MDGA2: variants seen among roughly 807,000 people sequenced by gnomAD.
MDGA2 encodes MAM domain containing glycosylphosphatidylinositol anchor 2, also known as MAM domain-containing glycosylphosphatidylinositol anchor protein 2.
A neutral mutation model predicts 117.8 loss-of-function variants in MDGA2; 40 were observed. The observed-to-expected ratio is 0.34, with a 90% CI of 0.26 to 0.44. MDGA2 has a LOEUF of 0.44. Among genes scored for constraint, MDGA2 ranks in the 20% least tolerant of loss-of-function variants. The probability of loss-of-function intolerance (pLI) is 1.00; values close to 1 mark genes in which losing one functional copy is unlikely to be tolerated. For synonymous variants in MDGA2, 452 were observed against 439.0 expected (o/e 1.03, Z -0.37); for missense variants, 1,123 against 1,250.6 (o/e 0.90, Z 1.54).
chr14:47,428,684 C>T (rs1892738623), intron 1 of MDGA2, among the ~76,000 whole-genome samples: 1 of 152,002 alleles, frequency 6.6e-6, no homozygotes, highest in Non-Finnish European at 1.5e-5. Flanking sequence ...TTCTGTCTCT[C>T]ATTCTCTCTC....
At chr14:47,281,775 G>A (rs1888498477) in intron 2 of MDGA2, among the ~76,000 whole-genome samples, 1 of 151,918 alleles carries the variant, frequency 6.6e-6, no homozygotes, top group South Asian at 2.1e-4. Context: ...AGACACTTTC[G>A]GCTAGGCACA....
intron 1 of MDGA2, among the ~76,000 whole-genome samples, chr14:47,394,049 T>A (rs575203617): frequency 1.8e-4 from 27 of 152,206 alleles, no homozygotes; most frequent in African/African-American, 6.3e-4. Context: ...ATATTCTGGC[T>A]CCCTTTTTTC....
chr14:47,456,601 C>T (rs1325328460), intron 1 of MDGA2, among the ~76,000 whole-genome samples: 1 of 151,946 alleles, frequency 6.6e-6, no homozygotes, highest in African/African-American at 2.4e-5. Context: ...CCATGCCCGG[C>T]CAATTGTTTA....
intron 2 of MDGA2, among the ~76,000 whole-genome samples, chr14:47,227,604 CG>C (rs1440800699): frequency 6.6e-6 from 1 of 151,904 alleles, no homozygotes; most frequent in Non-Finnish European, 1.5e-5. Context: ...AAGGACTATT[CG>C]TAAACTTGGT....
intron 3 of MDGA2, among the ~76,000 whole-genome samples, chr14:47,174,900 T>C (rs1295691866): frequency 6.6e-6 from 1 of 151,886 alleles, no homozygotes; most frequent in South Asian, 2.1e-4. Context: ...ATAGACTGCT[T>C]GCAAGACTAA....
At chr14:47,242,665 T>C (rs895828276) in intron 2 of MDGA2, among the ~76,000 whole-genome samples, 1 of 151,802 alleles carries the variant, frequency 6.6e-6, no homozygotes, top group African/African-American at 2.4e-5. Context: ...TCGCTGGGCC[T>C]TGGCTGCCTT....
intron 1 of MDGA2, among the ~76,000 whole-genome samples, chr14:47,497,663 G>A (rs1016003845): frequency 3.9e-5 from 6 of 152,118 alleles, no homozygotes; most frequent in African/African-American, 1.2e-4. Flanking sequence ...CTGCTTGTAT[G>A]TCAATTTAAT....
chr14:47,603,131 A>G (rs1896678374), intron 1 of MDGA2, among the ~76,000 whole-genome samples: 1 of 152,010 alleles, frequency 6.6e-6, no homozygotes. Flanking sequence ...TGGGACCACA[A>G]CTCTCTAAGT....
chr14:47,303,310 T>C (rs993851344), intron 1 of MDGA2, among the ~76,000 whole-genome samples: 1 of 152,192 alleles, frequency 6.6e-6, no homozygotes, highest in Non-Finnish European at 1.5e-5. Flanking sequence ...CTTTCTGCTA[T>C]GCATCATTTT....
chr14:47,059,533 G>C (rs1889807062), intron 7 of MDGA2, among the ~76,000 whole-genome samples: 1 of 151,984 alleles, frequency 6.6e-6, no homozygotes, highest in South Asian at 2.1e-4. Context: ...ATAACACATA[G>C]TTTCAAACAG....
chr14:47,283,730 C>T (rs1888578367), intron 2 of MDGA2, among the ~76,000 whole-genome samples: 1 of 152,102 alleles, frequency 6.6e-6, no homozygotes, highest in Non-Finnish European at 1.5e-5. Context: ...TGATGATAAT[C>T]CTGTAGTGCT....
chr14:47,271,574 A>T (rs1888144939), intron 2 of MDGA2, among the ~76,000 whole-genome samples: 1 of 152,134 alleles, frequency 6.6e-6, no homozygotes, highest in African/African-American at 2.4e-5. Context: ...GTCATCAAAC[A>T]GCAGTAGGAA....
In MDGA2 at chr14:46,884,856, G is replaced by GT. The variant is rs975521683; in HGVS notation, c.2239-2636dup. On this transcript the variant is annotated intron_variant, in intron 10 of 16. Coordinates refer to ENST00000399232, the MANE Select transcript of MDGA2 (RefSeq NM_001113498.3). The surrounding 1 kb of genome is among the most constrained non-coding windows in gnomAD (Gnocchi z 4.1). ...CAGGTAATACATTACTTTCTTTTTT[G>GT]TTTTTTTTCTGAGACAGTCTCGCTC... Among the ~76,000 whole-genome samples, 4 of 122,486 alleles carry GT rather than the reference G, an allele frequency of 3.3e-5. No individual in the cohort carries two copies. The highest frequency in any genetic ancestry group is 2.5e-4 in the South Asian group (1 of 3,936). 80.4% of individuals were successfully genotyped at this position (122,486 alleles called of 152,430 possible). A position where few individuals can be genotyped will look rare whatever the true frequency, so the allele number is the denominator to read the frequency against.
At chr14:46,857,388 G>A (rs193302493) in intron 14 of MDGA2, among the ~76,000 whole-genome samples, 4 of 150,950 alleles carry the variant, frequency 2.6e-5, no homozygotes, top group South Asian at 2.1e-4. Context: ...GAATTCAGGC[G>A]GGTTTTTTTT....
At chr14:47,577,378 G>C (rs758906031) in intron 1 of MDGA2, among the ~76,000 whole-genome samples, 1 of 152,064 alleles carries the variant, frequency 6.6e-6, no homozygotes, top group Non-Finnish European at 1.5e-5. Context: ...ACATAGGCAC[G>C]GGCAAAGACT....
chr14:47,239,816 G>A (rs116107090), intron 2 of MDGA2, among the ~76,000 whole-genome samples: 1,519 of 151,794 alleles, frequency 0.01, 37 homozygotes, highest in African/African-American at 0.035. Context: ...AAATGTTATT[G>A]CATCCTTGCT....
rs1890733868 is a variant in MDGA2, at chr14:47,345,004, T to C, written c.281-43454A>G. Among the ~76,000 whole-genome samples, 3 of 152,090 alleles carry C rather than the reference T, an allele frequency of 2.0e-5. No homozygotes were observed. The South Asian group carries it at 6.2e-4, about 32-fold the overall frequency. ...AGTAGAAATGTCTGGGCATATTTGA[T>C]GTTAATATTTCAACCAAATGTTTTG... On this transcript the variant is annotated intron_variant, in intron 1 of 16. Coordinates refer to ENST00000399232, the MANE Select transcript of MDGA2 (RefSeq NM_001113498.3).
intron 2 of MDGA2, among the ~76,000 whole-genome samples, chr14:47,258,984 C>T (rs1415619414): frequency 1.3e-5 from 2 of 151,998 alleles, no homozygotes; most frequent in Admixed American, 6.6e-5. Context: ...TTAGGTATAT[C>T]TTCAATTATG....
At chr14:47,217,573 T>C (rs1321352253) in intron 3 of MDGA2, among the ~76,000 whole-genome samples, 2 of 152,046 alleles carry the variant, frequency 1.3e-5, no homozygotes, top group Non-Finnish European at 2.9e-5. Context: ...GGCCAATTCA[T>C]AATGCTCTGT....
Sources: gnomAD v4.1 joint callset for allele counts (sites outside exome capture counted in the v4.1 genomes callset) on GRCh38, gnomAD v4.1.1 for gene constraint, Gnocchi (gnomAD v3.1) non-coding constraint, MANE v1.5 for transcripts, NCBI Gene and HGNC (gene_info 2026-07-23, HGNC 2026-07-21) for gene names.